Variants in LTBP1 observed in about 807,000 individuals in gnomAD.
LTBP1 encodes latent-transforming growth factor beta-binding protein 1.
Under a neutral mutation model 207.6 loss-of-function variants are expected in LTBP1, and 129 were observed. The observed-to-expected ratio is 0.62, with a 90% CI of 0.54 to 0.72. LTBP1 has a LOEUF of 0.72. Among genes scored for constraint, LTBP1 ranks in the 30% least tolerant of loss-of-function variants. The pLI is 0.00. For missense variants in LTBP1, 2,281 were observed against 2,217.2 expected, an observed-to-expected ratio of 1.03 and a Z score of -0.58; for synonymous variants, 963 against 833.7, an observed-to-expected ratio of 1.16 and a Z score of -2.67.
chr2:33,075,177 G>C (rs565879304), intron 3 of LTBP1, among the ~76,000 whole-genome samples: 1 of 152,290 alleles, frequency 6.6e-6, no homozygotes, highest in South Asian at 2.1e-4. Context: ...ACCTTTCTTA[G>C]ACACCTGTAA....
rs74809315 is a variant in LTBP1 at position 32,995,983 on chromosome 2, G to T, written c.566-24926G>T. On this transcript the variant is annotated intron_variant, in intron 2 of 33. Transcript: ENST00000404816. ...AGTCTTCGTAATCTTACACCTGTGG[G>T]ATTAACTACCATGCTATGTTGCTTT... Among the ~76,000 whole-genome samples, 768 of 152,246 alleles carry T rather than the reference G, an allele frequency of 5.0e-3. 4 individuals carry two copies. Among genetic ancestry groups the T allele is most frequent in the African/African-American group, 0.016 (677 of 41,542 alleles).
In LTBP1 at chr2:33,021,197, TA is replaced by T; in HGVS notation, c.855del (p.His286IlefsTer4). 1 of 1,592,688 alleles carries T rather than the reference TA, an allele frequency of 6.3e-7. No individual in the cohort carries two copies. The highest frequency in any genetic ancestry group is 1.1e-5 in the South Asian group (1 of 87,750). On this transcript the variant is annotated frameshift_variant, in exon 3 of 34. Coordinates refer to ENST00000404816, the MANE Select transcript of LTBP1 (RefSeq NM_206943.4). LOFTEE classifies it high-confidence loss of function. Reference sequence around the variant, plus strand: ...CCTTCAGTGGGACTCCCCCAGCAGATACATTCTCAGTGAGTGTTTCGAACTT... The same window carrying T: ...CCTTCAGTGGGACTCCCCCAGCAGATCATTCTCAGTGAGTGTTTCGAACTT... ...PKPSVGLPQQ[I>X]HSQVTPLSSQ... is the part of the protein sequence containing the mutation.
At chr2:33,309,643 A>G (rs1474336289) in intron 23 of LTBP1, 87 bp downstream of exon 23, 3 of 1,445,858 alleles carry the variant, frequency 2.1e-6, no homozygotes, top group East Asian at 4.7e-5. Flanking sequence ...TGGTTTTGCC[A>G]TGTGATTTAT....
At chr2:33,268,815 C>T (rs2093248052) in intron 15 of LTBP1, among the ~76,000 whole-genome samples, 1 of 152,302 alleles carries the variant, frequency 6.6e-6, no homozygotes, top group African/African-American at 2.4e-5. Context: ...TTGATGCCTT[C>T]CTCTGGCTCT....
intron 3 of LTBP1, among the ~76,000 whole-genome samples, chr2:33,088,958 C>A (rs1452404025): frequency 2.0e-5 from 3 of 151,716 alleles, no homozygotes; most frequent in Non-Finnish European, 2.9e-5. Context: ...GAGTTTGAGA[C>A]CAGCCTGGCC....
intron 5 of LTBP1, among the ~76,000 whole-genome samples, chr2:33,186,376 T>C (rs538821267): frequency 1.1e-3 from 173 of 152,334 alleles, no homozygotes; most frequent in African/African-American, 4.0e-3. Context: ...CAAATACTTA[T>C]TTAATCTCCA....
At chr2:33,279,483 G>C (rs992471992) in intron 18 of LTBP1, among the ~76,000 whole-genome samples, 1 of 151,500 alleles carries the variant, frequency 6.6e-6, no homozygotes, top group South Asian at 2.1e-4. Flanking sequence ...AGGCTTGGAA[G>C]TATGTGATGA....
intron 31 of LTBP1, among the ~76,000 whole-genome samples, chr2:33,376,603 A>G (rs545066055): frequency 6.6e-6 from 1 of 152,206 alleles, no homozygotes; most frequent in East Asian, 1.9e-4. Flanking sequence ...GGTGTTTCTC[A>G]TGTGTGTTTT....
rs34063170 is a variant in LTBP1, at chr2:33,184,781, G to GTTTTT, written c.1202-2062_1202-2058dup. On this transcript the variant is annotated intron_variant, in intron 5 of 33. Transcript: ENST00000404816. ...TCCCTTCCCTCATTCAGTATTTTCT[G>GTTTTT]TTTTTTTTTTTTTTTTTAGCATTTC... Among the ~76,000 whole-genome samples the GTTTTT allele has an allele frequency of 3.7e-5, 5 of 136,384 alleles. No individual in the cohort carries two copies. The East Asian group carries it at 6.4e-4, about 18-fold the overall frequency. The allele number at this position is 136,384 out of a possible 152,430, so 89.5% of individuals were successfully genotyped here. A position where few individuals can be genotyped will look rare whatever the true frequency, so the allele number is the denominator to read the frequency against.
At chr2:33,079,768 TG>T (rs1476520325) in intron 3 of LTBP1, among the ~76,000 whole-genome samples, 1 of 152,178 alleles carries the variant, frequency 6.6e-6, no homozygotes, top group African/African-American at 2.4e-5. Flanking sequence ...ACCTCCTTTC[TG>T]GCTTCTTAGG....
intron 7 of LTBP1, among the ~76,000 whole-genome samples, chr2:33,200,829 C>T (rs2089156605): frequency 6.6e-6 from 1 of 152,280 alleles, no homozygotes; most frequent in Non-Finnish European, 1.5e-5. Flanking sequence ...TATGAACAGA[C>T]ACTTCTCAAA....
chr2:33,164,178 G>A (rs1010732568), intron 5 of LTBP1, among the ~76,000 whole-genome samples: 13 of 151,048 alleles, frequency 8.6e-5, no homozygotes, highest in Non-Finnish European at 1.5e-4. Flanking sequence ...GTGAAACCCC[G>A]TCTCTACTAA....
At chr2:33,356,301 C>A (rs1445695828) in intron 26 of LTBP1, among the ~76,000 whole-genome samples, 2 of 152,158 alleles carry the variant, frequency 1.3e-5, no homozygotes, top group African/African-American at 4.8e-5. Context: ...AGTTTCAGTT[C>A]TTTGATACTT....
chr2:33,284,186 C>T (rs2093618338), intron 19 of LTBP1, among the ~76,000 whole-genome samples: 1 of 152,126 alleles, frequency 6.6e-6, no homozygotes. Context: ...TGATGCTTCT[C>T]CTTGATTTAT....
intron 2 of LTBP1, among the ~76,000 whole-genome samples, chr2:32,989,393 C>G (rs1041272894): frequency 3.9e-5 from 6 of 152,180 alleles, no homozygotes; most frequent in African/African-American, 1.2e-4. Flanking sequence ...GCATAATTAT[C>G]AGTTTTCTAC....
intron 3 of LTBP1, chr2:33,062,917 A>G (rs1558583170): frequency 6.6e-6 from 1 of 152,226 alleles, no homozygotes; most frequent in Admixed American, 6.5e-5. Context: ...TAAATCATGA[A>G]TTCTTTACTT....
Position 33,257,367 on chromosome 2 carries a change from G to A in LTBP1, c.2251G>A (p.Gly751Ser). 1.2e-6 allele frequency: 2 copies of A among 1,614,196 alleles called. No homozygotes were observed. Among genetic ancestry groups the A allele is most frequent in the African/African-American group, 1.3e-5 (1 of 75,056 alleles). Residue 751 changes from glycine to serine, a missense_variant, in exon 12 of 34, where the codon GGT becomes AGT. This residue lies in a region of LTBP1 where 1,671 missense variants were observed against 1,634.8 expected (regional missense o/e 1.02). Coordinates refer to ENST00000404816, the MANE Select transcript of LTBP1 (RefSeq NM_206943.4). ...ACGCAGGCCAATCCATCACCATGTA[G>A]GTAAAGGACCTGTATTTGTCAAGCC... ...HRRRPIHHHV[G>S]KGPVFVKPKN...
At position 33,342,827 on chromosome 2, in the gene LTBP1, C is replaced by T. The variant is rs773389756; in HGVS notation, c.3731-11C>T. 4.3e-6 allele frequency: 7 copies of T among 1,612,324 alleles called. No homozygotes were observed. Among genetic ancestry groups the T allele is most frequent in the East Asian group, 4.5e-5 (2 of 44,842 alleles). On this transcript the variant is annotated splice_polypyrimidine_tract_variant and intron_variant, in intron 24 of 33. Coordinates refer to ENST00000404816, the MANE Select transcript of LTBP1 (RefSeq NM_206943.4). Reference sequence around the variant, plus strand: ...TTGTTTTGTGTCTGATGTTCCATGTCTTTTTTGCAGATATTGATGAATGTG... The same window carrying T: ...TTGTTTTGTGTCTGATGTTCCATGTTTTTTTTGCAGATATTGATGAATGTG...
intron 3 of LTBP1, among the ~76,000 whole-genome samples, chr2:33,031,568 C>A (rs1041069792): frequency 6.6e-6 from 1 of 152,028 alleles, no homozygotes; most frequent in Non-Finnish European, 1.5e-5. Flanking sequence ...ATTCTAATGG[C>A]GAGTAAGGAA....
Sources: gnomAD v4.1 joint callset for allele counts (sites outside exome capture counted in the v4.1 genomes callset) on GRCh38, gnomAD v4.1.1 for gene constraint, gnomAD v4.1.1 regional missense constraint, MANE v1.5 for transcripts, NCBI Gene and HGNC (gene_info 2026-07-23, HGNC 2026-07-21) for gene names.